The following DOCK2 variants were observed in gnomAD, a reference collection of about 807,000 sequenced individuals.
The protein encoded by DOCK2 is dedicator of cytokinesis 2.
In DOCK2, 87 loss-of-function variants were observed where a neutral mutation model predicts 248.9. The ratio of observed to expected loss-of-function variants is 0.35; its 90% CI spans 0.29 to 0.42. The LOEUF (loss-of-function observed/expected upper bound fraction) is 0.42, where lower values mean the gene tolerates loss of function less well. Ranked by LOEUF, DOCK2 falls within the 10% of genes least tolerant of loss-of-function variation. The pLI is 1.00. For missense variants in DOCK2, 1,747 were observed against 2,300.2 expected, an observed-to-expected ratio of 0.76 and a Z score of 4.92; for synonymous variants, 805 against 821.6, an observed-to-expected ratio of 0.98 and a Z score of 0.35.
At chr5:169,915,223 C>T (rs761533688) in intron 27 of DOCK2, among the ~76,000 whole-genome samples, 5 of 152,004 alleles carry the variant, frequency 3.3e-5, no homozygotes, top group African/African-American at 9.7e-5. Context: ...AGAGAACTTT[C>T]GGGTAAAAGC....
intron 27 of DOCK2, among the ~76,000 whole-genome samples, chr5:169,913,667 C>CT (rs1232841352): frequency 6.6e-6 from 1 of 152,090 alleles, no homozygotes; most frequent in Non-Finnish European, 1.5e-5. Flanking sequence ...CTATTTCACA[C>CT]TTTGTTGTGA....
Position 170,082,925 on chromosome 5 carries a change from G to A in DOCK2, c.*67G>A, listed in dbSNP as rs55803405. 307,577 of 1,600,072 alleles carry A rather than the reference G, an allele frequency of 0.19. 30,741 individuals are homozygous for A. The highest frequency in any genetic ancestry group is 0.21 in the Middle Eastern group (1,275 of 6,002). ...AGTTTCTGGAAGAGGAAAGCCATGCGTGGAACATCGAAGCCTCAGAGAGTG... is the reference window on the plus strand; with the variant it reads ...AGTTTCTGGAAGAGGAAAGCCATGCATGGAACATCGAAGCCTCAGAGAGTG... On this transcript the variant is annotated 3_prime_UTR_variant, in exon 52 of 52. Transcript: ENST00000520908.
chr5:170,066,727 T>G (rs973705580), intron 44 of DOCK2, among the ~76,000 whole-genome samples: 1 of 152,212 alleles, frequency 6.6e-6, no homozygotes. Context: ...CTGTGGCCCA[T>G]GGACTAAATT....
intron 2 of DOCK2, among the ~76,000 whole-genome samples, chr5:169,665,045 TA>T (rs1214220469): frequency 1.1e-5 from 1 of 87,340 alleles, no homozygotes; most frequent in East Asian, 3.4e-4. Flanking sequence ...TCAGCATATC[TA>T]TATATGTTTA....
chr5:170,081,944 C>T lies in DOCK2; in HGVS notation c.5390C>T (p.Thr1797Ile), dbSNP rs140044343. The T allele has an allele frequency of 3.0e-5, 49 of 1,614,002 alleles. No homozygotes were observed. The African/African-American group carries it at 3.6e-4, about 12-fold the overall frequency. The change falls in exon 51 of 52, where the codon ACA becomes ATA. Residue 1797 changes from threonine to isoleucine, a missense_variant. Transcript: ENST00000520908. Reference protein sequence around the residue: ...FLQLSDGDKKTLTRKKVNQFF... With the variant: ...FLQLSDGDKKILTRKKVNQFF... ...CAACTCTCAGATGGTGACAAGAAGA[C>T]ACTCACACGGAAGAAGGTCAATCAG...
chr5:169,903,312 A>G (rs934323020), intron 27 of DOCK2, among the ~76,000 whole-genome samples: 2 of 26,942 alleles, frequency 7.4e-5, no homozygotes, highest in Non-Finnish European at 2.1e-4. Flanking sequence ...CAACAACAAT[A>G]AAAAAAAAAA....
At chr5:169,786,629 A>G (rs1370335812) in intron 25 of DOCK2, among the ~76,000 whole-genome samples, 3 of 152,178 alleles carry the variant, frequency 2.0e-5, no homozygotes, top group African/African-American at 7.2e-5. Flanking sequence ...CCCAGCTGAC[A>G]TAGAAACATA....
intron 27 of DOCK2, among the ~76,000 whole-genome samples, chr5:169,914,351 G>A (rs1411639066): frequency 6.6e-6 from 1 of 152,134 alleles, no homozygotes; most frequent in East Asian, 1.9e-4. Context: ...TAATCTCACT[G>A]ATTCCTTCAT....
At chr5:170,056,909 C>A in intron 43 of DOCK2, 141 bp downstream of exon 43, 1 of 709,728 alleles carries the variant, frequency 1.4e-6, no homozygotes, top group Non-Finnish European at 2.4e-6. Context: ...CCATGACGTC[C>A]GTTCCCCAAT....
At chr5:169,879,012 G>A (rs1427447574) in intron 27 of DOCK2, among the ~76,000 whole-genome samples, 8 of 152,184 alleles carry the variant, frequency 5.3e-5, no homozygotes, top group African/African-American at 1.7e-4. Flanking sequence ...GAGGCTTAGG[G>A]AGCAGAGAGA....
chr5:170,047,070 A>G (rs1434374460), intron 39 of DOCK2, among the ~76,000 whole-genome samples: 1 of 152,228 alleles, frequency 6.6e-6, no homozygotes, highest in Non-Finnish European at 1.5e-5. Context: ...TCTTAGGTAT[A>G]CATGCACAGG....
intron 2 of DOCK2, among the ~76,000 whole-genome samples, chr5:169,660,534 C>G (rs1758386931): frequency 6.6e-6 from 1 of 152,144 alleles, no homozygotes; most frequent in Non-Finnish European, 1.5e-5. Flanking sequence ...GAACACATAT[C>G]TATTACCACA....
chr5:169,689,152 C>T, intron 8 of DOCK2, 100 bp from the exon 9 acceptor site: 1 of 1,085,192 alleles, frequency 9.2e-7, no homozygotes, highest in South Asian at 1.4e-5. Context: ...CCCCAGCAGC[C>T]AGTATGGTGT....
intron 25 of DOCK2, among the ~76,000 whole-genome samples, chr5:169,783,177 T>C (rs966731738): frequency 1.3e-5 from 2 of 152,216 alleles, no homozygotes; most frequent in African/African-American, 4.8e-5. Context: ...AAAAGATTAT[T>C]TAAAATGAAC....
intron 25 of DOCK2, among the ~76,000 whole-genome samples, chr5:169,793,925 G>A (rs1265736332): frequency 6.6e-6 from 1 of 152,102 alleles, no homozygotes; most frequent in Non-Finnish European, 1.5e-5. Context: ...CAGCTTAAGT[G>A]TGCCCGGCTC....
intron 17 of DOCK2, among the ~76,000 whole-genome samples, chr5:169,713,697 T>G (rs1398314591): frequency 1.3e-5 from 2 of 152,344 alleles, no homozygotes; most frequent in East Asian, 3.9e-4. Flanking sequence ...CTTATTTTGC[T>G]GGTGAGCAGA....
rs573277514 is a variant in DOCK2 at position 170,071,324 on chromosome 5, T to G, written c.4728+2104T>G. Among the ~76,000 whole-genome samples the G allele has an allele frequency of 4.6e-5, 7 of 152,300 alleles. No homozygotes were observed. The South Asian group carries it at 1.0e-3, about 23-fold the overall frequency. On this transcript the variant is annotated intron_variant, in intron 46 of 51. Transcript: ENST00000520908. ...GCTCCCTGCTCACTTGGAGCTTAATTCTATGTTGGATTTTGGTTTTGCAAA... is the reference window on the plus strand; with the variant it reads ...GCTCCCTGCTCACTTGGAGCTTAATGCTATGTTGGATTTTGGTTTTGCAAA...
intron 15 of DOCK2, among the ~76,000 whole-genome samples, chr5:169,708,597 C>T (rs959747529): frequency 2.0e-5 from 3 of 150,292 alleles, no homozygotes; most frequent in Admixed American, 6.6e-5. Flanking sequence ...CAGAGTCTCA[C>T]TCTGTTGCCC....
rs953017347 is a variant in DOCK2, at chr5:169,692,228, T to G, written c.843+2895T>G. Among the ~76,000 whole-genome samples the G allele has an allele frequency of 2.0e-5, 3 of 152,148 alleles. No homozygotes were observed. In the East Asian group the frequency reaches 5.8e-4, roughly 29 times the overall value. ...AAGCAGCATATACTACGAGGTTCCC[T>G]AAGATTTAGCCCAGTTTTGGGGTGG... is the stretch of plus-strand genomic sequence containing the variant. On this transcript the variant is annotated intron_variant, in intron 9 of 51. Coordinates refer to ENST00000520908, the MANE Select transcript of DOCK2 (RefSeq NM_004946.3).
Sources: gnomAD v4.1 joint callset for allele counts (sites outside exome capture counted in the v4.1 genomes callset) on GRCh38, gnomAD v4.1.1 for gene constraint, MANE v1.5 for transcripts, NCBI Gene and HGNC (gene_info 2026-07-23, HGNC 2026-07-21) for gene names.